KLF12: variants seen among roughly 807,000 people sequenced by gnomAD.
KLF12 encodes the protein Krueppel-like factor 12.
In KLF12, 9 loss-of-function variants were observed where a neutral mutation model predicts 37.8. The observed-to-expected ratio is 0.24, with a 90% confidence interval of 0.14 to 0.42. The LOEUF (loss-of-function observed/expected upper bound fraction) is 0.42, where lower values mean the gene tolerates loss of function less well. KLF12 is among the 10% of genes least tolerant of loss of function. The pLI is 1.00. For missense variants in KLF12, 411 were observed against 516.0 expected, an observed-to-expected ratio of 0.80 and a Z score of 1.97; for synonymous variants, 208 against 202.1, an observed-to-expected ratio of 1.03 and a Z score of -0.25.
rs1208008370 is a variant in KLF12 at position 73,693,135 on chromosome 13, T to C, written c.*2355A>G. The C allele has an allele frequency of 6.6e-6, 1 of 152,208 alleles. No homozygotes were observed. The highest frequency in any genetic ancestry group is 1.5e-5 in the Non-Finnish European group (1 of 68,052). The allele number at this position is 152,208 out of a possible 1,614,324, so 9.4% of individuals were successfully genotyped here. A position where few individuals can be genotyped will look rare whatever the true frequency, so the allele number is the denominator to read the frequency against. On this transcript the variant is annotated 3_prime_UTR_variant, in exon 8 of 8. Coordinates refer to ENST00000377669, the MANE Select transcript of KLF12 (RefSeq NM_007249.5). ...ACAAATCTACACTTCACTTGAGAGA[T>C]GCACCCACTACTTGCCAACTAGGTG...
At chr13:74,029,874 A>G (rs1184150889) in intron 1 of KLF12, among the ~76,000 whole-genome samples, 1 of 152,102 alleles carries the variant, frequency 6.6e-6, no homozygotes, top group Admixed American at 6.6e-5. Flanking sequence ...GCATATCCAG[A>G]GCCAGGCACA....
At chr13:74,252,851 C>T in the KLF12 span, among the ~76,000 whole-genome samples, 4 of 152,134 alleles carry the variant, frequency 2.6e-5, no homozygotes, top group Non-Finnish European at 5.9e-5. Context: ...GTTAGAAGTT[C>T]AAGTCACCTC....
At chr13:73,980,969 G>C (rs1891674723) in intron 2 of KLF12, among the ~76,000 whole-genome samples, 1 of 152,136 alleles carries the variant, frequency 6.6e-6, no homozygotes, top group Non-Finnish European at 1.5e-5. Flanking sequence ...AAACCAGCCT[G>C]GGCAACGTGG....
At chr13:74,175,540 C>T in the KLF12 span, among the ~76,000 whole-genome samples, 4 of 152,304 alleles carry the variant, frequency 2.6e-5, no homozygotes, top group South Asian at 4.1e-4. Context: ...TCCTGAATCT[C>T]ACCTCTGATG....
At chr13:74,262,021 G>T in the KLF12 span, among the ~76,000 whole-genome samples, 5 of 152,176 alleles carry the variant, frequency 3.3e-5, no homozygotes, top group Non-Finnish European at 7.3e-5. Flanking sequence ...GTGGCTCACT[G>T]CACTGGGGCC....
intron 1 of KLF12, among the ~76,000 whole-genome samples, chr13:74,026,733 C>T (rs1198531538): frequency 1.3e-5 from 2 of 152,132 alleles, no homozygotes; most frequent in Non-Finnish European, 2.9e-5. Context: ...TCGATTCTAA[C>T]CTTCTGTAAT....
At chr13:73,723,689 A>C (rs1221031416) in intron 6 of KLF12, among the ~76,000 whole-genome samples, 2 of 152,146 alleles carry the variant, frequency 1.3e-5, no homozygotes, top group African/African-American at 4.8e-5. Context: ...AATCATGCTA[A>C]ATTTTAAAAA....
intron 6 of KLF12, among the ~76,000 whole-genome samples, chr13:73,763,929 T>C (rs1879733260): frequency 6.6e-6 from 1 of 152,074 alleles, no homozygotes; most frequent in Non-Finnish European, 1.5e-5. Context: ...TTTAACAACA[T>C]CGCCAAGCTA....
intron 2 of KLF12, among the ~76,000 whole-genome samples, chr13:73,985,229 C>G (rs1000578083): frequency 2.6e-5 from 4 of 152,194 alleles, no homozygotes; most frequent in Admixed American, 1.3e-4. Context: ...CCACCAAGTC[C>G]TACCCAAGTA....
chr13:74,062,963 C>T (rs1330709811), intron 1 of KLF12, among the ~76,000 whole-genome samples: 1 of 152,182 alleles, frequency 6.6e-6, no homozygotes, highest in Non-Finnish European at 1.5e-5. Flanking sequence ...GGCCATTACA[C>T]AAGCCCTCAT....
intron 3 of KLF12, among the ~76,000 whole-genome samples, chr13:73,852,335 A>G (rs1885375676): frequency 6.6e-6 from 1 of 152,238 alleles, no homozygotes; most frequent in Admixed American, 6.5e-5. Context: ...AAAAGTACAG[A>G]TGACAGAGTA....
intron 1 of KLF12, among the ~76,000 whole-genome samples, chr13:74,114,392 C>T (rs893410697): frequency 3.3e-5 from 5 of 152,070 alleles, no homozygotes; most frequent in Non-Finnish European, 7.4e-5. Context: ...ATAATGTAAA[C>T]ATAACTATTA....
the KLF12 span, among the ~76,000 whole-genome samples, chr13:74,193,792 G>A: frequency 6.6e-6 from 1 of 152,134 alleles, no homozygotes; most frequent in Non-Finnish European, 1.5e-5. Context: ...ATACCTTCAC[G>A]ATGTCTGATC....
chr13:74,119,331 G>GT lies in KLF12; in HGVS notation c.-32+14407_-32+14408insA, dbSNP rs1566221217. Among the ~76,000 whole-genome samples, 42 of 94,506 alleles carry GT rather than the reference G, an allele frequency of 4.4e-4. No homozygotes were observed. In the South Asian group the frequency reaches 4.5e-3, roughly 10 times the overall value. The allele number at this position is 94,506 out of a possible 152,430, so 62.0% of individuals were successfully genotyped here. A position where few individuals can be genotyped will look rare whatever the true frequency, so the allele number is the denominator to read the frequency against. On this transcript the variant is annotated intron_variant, in intron 1 of 7. Transcript: ENST00000377669. ...TGGGTGACACAGCGAGACTCTTATC[G>GT]CAAAAAAAAAAAAAGACAAGACAGA...
chr13:73,909,034 G>A (rs892654368), intron 3 of KLF12, among the ~76,000 whole-genome samples: 1 of 152,194 alleles, frequency 6.6e-6, no homozygotes, highest in Admixed American at 6.5e-5. Context: ...ACCATACAGA[G>A]ATCGCCCTTC....
chr13:74,126,107 T>C (rs955909077), intron 1 of KLF12, among the ~76,000 whole-genome samples: 19 of 152,276 alleles, frequency 1.2e-4, no homozygotes, highest in African/African-American at 4.8e-5. Flanking sequence ...ATATGTGCTG[T>C]ATTACATGTC....
chr13:74,245,464 G>A, the KLF12 span, among the ~76,000 whole-genome samples: 2 of 152,070 alleles, frequency 1.3e-5, no homozygotes, highest in African/African-American at 4.8e-5. Flanking sequence ...AATGAGACAG[G>A]TTTTAAAACA....
chr13:73,816,200 C>T (rs1883205933), intron 4 of KLF12, among the ~76,000 whole-genome samples: 1 of 152,158 alleles, frequency 6.6e-6, no homozygotes, highest in Non-Finnish European at 1.5e-5. Context: ...AGAATAGGGA[C>T]ATCAACCCTA....
Position 73,931,470 on chromosome 13 carries a change from A to G in KLF12, c.123+12511T>C, listed in dbSNP as rs562470206. Reference sequence around the variant, plus strand: ...GCAAAATCTCTATTTATATATATTTATGTCAGTATAGAAGTCAGAAGCTAC... The same window carrying G: ...GCAAAATCTCTATTTATATATATTTGTGTCAGTATAGAAGTCAGAAGCTAC... On this transcript the variant is annotated intron_variant, in intron 3 of 7. Transcript: ENST00000377669. Among the ~76,000 whole-genome samples, 4 of 152,268 alleles carry G rather than the reference A, an allele frequency of 2.6e-5. No individual in the cohort carries two copies. The East Asian group carries it at 7.7e-4, about 29-fold the overall frequency.
Sources: gnomAD v4.1 joint callset for allele counts (sites outside exome capture counted in the v4.1 genomes callset) on GRCh38, gnomAD v4.1.1 for gene constraint, MANE v1.5 for transcripts, NCBI Gene and HGNC (gene_info 2026-07-23, HGNC 2026-07-21) for gene names.